GRAP: variants seen among roughly 807,000 people sequenced by gnomAD.
GRAP encodes the protein GRB2-related adapter protein.
In GRAP, 2 loss-of-function variants were observed where a neutral mutation model predicts 9.1. That is an observed-to-expected ratio of 0.22 (90% CI 0.09 to 0.69). The LOEUF is 0.69. GRAP is among the 30% of genes least tolerant of loss of function. The probability of loss-of-function intolerance (pLI) is 0.81; values close to 1 mark genes in which losing one functional copy is unlikely to be tolerated. For missense variants in GRAP, 113 were observed against 179.4 expected (o/e 0.63, Z 2.12); for synonymous variants, 68 against 73.6 (o/e 0.92, Z 0.39).
intron 4 of GRAP, among the ~76,000 whole-genome samples, chr17:19,023,365 C>T (rs1197800443): frequency 6.6e-6 from 1 of 152,138 alleles, no homozygotes; most frequent in African/African-American, 2.4e-5. Flanking sequence ...AGCTTCTCTT[C>T]AGCGGTTATC....
intron 4 of GRAP, among the ~76,000 whole-genome samples, chr17:19,022,944 C>T (rs752216906): frequency 5.3e-5 from 8 of 152,312 alleles, no homozygotes; most frequent in Middle Eastern, 3.4e-3. Flanking sequence ...GCTCTGGAGT[C>T]GAGCCACAGG....
Position 19,027,480 on chromosome 17 carries a change from G to GCACACA in GRAP, c.300-3098_300-3097insTGTGTG, listed in dbSNP as rs771916548. Reference sequence around the variant, plus strand: ...CTTGATGGGACACATGCGCGCGCGCGCGCGCACACACACACACACACACAC... The same window carrying GCACACA: ...CTTGATGGGACACATGCGCGCGCGCGCACACACGCGCACACACACACACACACACAC... On this transcript the variant is annotated intron_variant, in intron 3 of 4. Transcript: ENST00000284154. Among the ~76,000 whole-genome samples, 142 of 69,410 alleles carry GCACACA rather than the reference G, an allele frequency of 2.0e-3. 1 individual carries two copies. Among genetic ancestry groups the GCACACA allele is most frequent in the Non-Finnish European group, 3.7e-3 (90 of 24,348 alleles). 45.5% of individuals were successfully genotyped at this position (69,410 alleles called of 152,430 possible). A position where few individuals can be genotyped will look rare whatever the true frequency, so the allele number is the denominator to read the frequency against.
At chr17:19,022,840 T>G (rs144628398) in intron 4 of GRAP, among the ~76,000 whole-genome samples, 2,049 of 152,252 alleles carry the variant, frequency 0.013, 20 homozygotes, top group Non-Finnish European at 0.019. Flanking sequence ...CAGAATCTCA[T>G]CCAGGATGGG....
In GRAP at chr17:19,021,965, G is replaced by T. The variant is rs1337459900; in HGVS notation, c.648C>A (p.His216Gln). The change falls in exon 5 of 5, where the codon CAC (histidine) becomes CAA (glutamine). Residue 216 changes from histidine (H) to glutamine (Q), a missense_variant. Physicochemically the swap from His to Gln is conservative, Grantham distance 24 (BLOSUM62 0). This residue lies in a region of GRAP where 113 missense variants were observed against 163.3 expected (regional missense o/e 0.69). Coordinates refer to ENST00000284154, the MANE Select transcript of GRAP (RefSeq NM_006613.4). The surrounding 1 kb of genome is among the most constrained non-coding windows in gnomAD (Gnocchi z 4.1). ...AGATCGGCCGCCGGGCTGCTCACAG[G>T]TGCACGGGCTGCACGTAACTCCGTG... Reference protein sequence around the residue: ...FFPRSYVQPVHL With the variant: ...FFPRSYVQPVQL The T allele has an allele frequency of 2.6e-6, 4 of 1,553,608 alleles. No homozygotes were observed. The highest frequency in any genetic ancestry group is 2.0e-5 in the Admixed American group (1 of 51,090).
At chr17:19,025,611 T>A (rs1285247482) in intron 3 of GRAP, among the ~76,000 whole-genome samples, 6 of 137,778 alleles carry the variant, frequency 4.4e-5, no homozygotes, top group Admixed American at 7.8e-5. Context: ...TCTTTTTTCT[T>A]TTCTTTTTTT....
intron 1 of GRAP, among the ~76,000 whole-genome samples, chr17:19,045,799 CA>C (rs1164895175): frequency 8.6e-6 from 1 of 116,390 alleles, no homozygotes; most frequent in Non-Finnish European, 1.6e-5. Flanking sequence ...CTCTGGACCC[CA>C]ACCCCCAGCC....
chr17:19,027,471 C>CGT, intron 3 of GRAP, among the ~76,000 whole-genome samples: 1 of 103,878 alleles, frequency 9.6e-6, no homozygotes, highest in Non-Finnish European at 1.7e-5. Flanking sequence ...GGGACACATG[C>CGT]GCGCGCGCGC....
chr17:19,022,302 C>G (rs115811363), intron 4 of GRAP, 158 bp from the exon 5 acceptor site: 1 of 483,444 alleles, frequency 2.1e-6, no homozygotes, highest in African/African-American at 2.0e-5. Flanking sequence ...AGTGCCACCA[C>G]TGGGCCTCCT....
Position 19,021,689 on chromosome 17 carries a change from C to T in GRAP, c.*270G>A, listed in dbSNP as rs1567819125. 1 of 399,462 alleles carries T rather than the reference C, an allele frequency of 2.5e-6. No individual in the cohort carries two copies. The highest frequency in any genetic ancestry group is 2.1e-5 in the African/African-American group (1 of 48,752). The allele number at this position is 399,462 out of a possible 1,614,324, so 24.7% of individuals were successfully genotyped here. A position where few individuals can be genotyped will look rare whatever the true frequency, so the allele number is the denominator to read the frequency against. Reference sequence around the variant, plus strand: ...CAAGAGGAGGTGGGCGGGGCCTCCACAGACTCCGCCCTGTGGTGTCACACA... The same window carrying T: ...CAAGAGGAGGTGGGCGGGGCCTCCATAGACTCCGCCCTGTGGTGTCACACA... On this transcript the variant is annotated 3_prime_UTR_variant, in exon 5 of 5. Coordinates refer to ENST00000284154, the MANE Select transcript of GRAP (RefSeq NM_006613.4). This position sits in a 1 kb window ranked among gnomAD's most constrained non-coding sequence, Gnocchi z 4.1.
At position 19,021,637 on chromosome 17, in the gene GRAP, A is replaced by C. The variant is rs1163334999; in HGVS notation, c.*322T>G. On this transcript the variant is annotated 3_prime_UTR_variant, in exon 5 of 5. Transcript: ENST00000284154. The surrounding 1 kb of genome is among the most constrained non-coding windows in gnomAD (Gnocchi z 4.1). The stretch of plus-strand genomic sequence containing the variant: ...CAGTGGGTGAAACCTGGGAGTCCTC[A>C]ACCTTCCTGGCAGATGGGGCCATTG... 1 of 395,696 alleles carries C rather than the reference A, an allele frequency of 2.5e-6. No individual in the cohort carries two copies. Among genetic ancestry groups the C allele is most frequent in the Non-Finnish European group, 4.5e-6 (1 of 224,706 alleles). The allele number at this position is 395,696 out of a possible 1,614,324, so 24.5% of individuals were successfully genotyped here. A position where few individuals can be genotyped will look rare whatever the true frequency, so the allele number is the denominator to read the frequency against.
chr17:19,022,531 G>A (rs2044280572), intron 4 of GRAP: 3 of 201,878 alleles, frequency 1.5e-5, no homozygotes, highest in Non-Finnish European at 2.0e-5. Context: ...ACAAAGCCAT[G>A]AGAATGGGCC....
chr17:19,022,512 C>T (rs1452796989), intron 4 of GRAP: 1 of 222,076 alleles, frequency 4.5e-6, no homozygotes, highest in Non-Finnish European at 8.8e-6. Flanking sequence ...TAGCTTTTGA[C>T]TCCAGGCCAC....
At chr17:19,030,241 C>T in intron 3 of GRAP, 1 of 442,346 alleles carries the variant, frequency 2.3e-6, no homozygotes, top group Non-Finnish European at 4.3e-6. Context: ...GCAGCAGCAG[C>T]AGCAGCAGCA....
At chr17:19,044,196 C>CTGAT (rs1169414736) in intron 1 of GRAP, among the ~76,000 whole-genome samples, 2 of 22,950 alleles carry the variant, frequency 8.7e-5, no homozygotes, top group Non-Finnish European at 2.7e-4. Context: ...CTCACGTTAA[C>CTGAT]TGATTTCTTA....
chr17:19,021,983 A>G lies in GRAP; in HGVS notation c.630T>C (p.Ser210=), dbSNP rs756757755. 1 of 1,577,486 alleles carries G rather than the reference A, an allele frequency of 6.3e-7. No individual in the cohort carries two copies. The highest frequency in any genetic ancestry group is 8.6e-7 in the Non-Finnish European group (1 of 1,163,274). ...SCGRVGFFPR[S]YVQPVHL ...CTCACAGGTGCACGGGCTGCACGTAACTCCGTGGGAAGAAGCCAACGCGCC... is the reference window on the plus strand; with the variant it reads ...CTCACAGGTGCACGGGCTGCACGTAGCTCCGTGGGAAGAAGCCAACGCGCC... Residue 210 remains serine, a synonymous_variant, in exon 5 of 5, where the codon AGT becomes AGC. Transcript: ENST00000284154. This position sits in a 1 kb window ranked among gnomAD's most constrained non-coding sequence, Gnocchi z 4.1.
At chr17:19,027,525 C>CACACACA (rs71155385) in intron 3 of GRAP, among the ~76,000 whole-genome samples, 2 of 142,672 alleles carry the variant, frequency 1.4e-5, no homozygotes, top group Non-Finnish European at 3.1e-5. Context: ...CACACACACA[C>CACACACA]CCCTACCTCT....
chr17:19,024,917 C>G lies in GRAP; in HGVS notation c.300-534G>C, dbSNP rs1412174241. 6.6e-6 allele frequency among the ~76,000 whole-genome samples: 1 copy of G among 152,172 alleles called. No individual in the cohort carries two copies. Among genetic ancestry groups the G allele is most frequent in the Non-Finnish European group, 1.5e-5 (1 of 68,040 alleles). On this transcript the variant is annotated intron_variant, in intron 3 of 4. Transcript: ENST00000284154. This position sits in a 1 kb window ranked among gnomAD's most constrained non-coding sequence, Gnocchi z 4.2. ...CCTACTGCTATGAGAGGAGCTCAGA[C>G]CTGTTGAATGTCTCACGTCCTCCCC...
chr17:19,030,071 T>G (rs1281402305), intron 3 of GRAP, among the ~76,000 whole-genome samples: 1 of 69,008 alleles, frequency 1.4e-5, no homozygotes, highest in African/African-American at 4.5e-5. Context: ...TGAGCAATCA[T>G]GAGTATCTTT....
In GRAP at chr17:19,024,146, C is replaced by G; in HGVS notation, c.468+69G>C. 6 of 1,455,918 alleles carry G rather than the reference C, an allele frequency of 4.1e-6. No individual in the cohort carries two copies. Among genetic ancestry groups the G allele is most frequent in the Non-Finnish European group, 5.6e-6 (6 of 1,065,050 alleles). 90.2% of individuals were successfully genotyped at this position (1,455,918 alleles called of 1,614,324 possible). ...GGCCCGTGCTTGGCCTCAGTGTCAG[C>G]ATCTCCCCTGCTGCAGATGGCAGGA... On this transcript the variant is annotated intron_variant, in intron 4 of 4. Coordinates refer to ENST00000284154, the MANE Select transcript of GRAP (RefSeq NM_006613.4). The surrounding 1 kb of genome is among the most constrained non-coding windows in gnomAD (Gnocchi z 4.2).
Sources: gnomAD v4.1 joint callset for allele counts (sites outside exome capture counted in the v4.1 genomes callset) on GRCh38, gnomAD v4.1.1 for gene constraint, gnomAD v4.1.1 regional missense constraint, Gnocchi (gnomAD v3.1) non-coding constraint, MANE v1.5 for transcripts, NCBI Gene and HGNC (gene_info 2026-07-23, HGNC 2026-07-21) for gene names.